THSD7A: variants seen among roughly 807,000 people sequenced by gnomAD.
THSD7A encodes the protein thrombospondin type 1 domain containing 7A.
Under a neutral mutation model 231.3 loss-of-function variants are expected in THSD7A, and 96 were observed. That is an observed-to-expected ratio of 0.41 (90% CI 0.35 to 0.49). The LOEUF (loss-of-function observed/expected upper bound fraction) is 0.49. Among genes scored for constraint, THSD7A ranks in the 20% least tolerant of loss-of-function variants. THSD7A has a pLI of 0.05. For missense variants in THSD7A, 2,290 were observed against 2,070.2 expected (o/e 1.11, Z -2.06); for synonymous variants, 940 against 743.3 (o/e 1.26, Z -4.30).
At chr7:11,764,158 T>C (rs1310943538) in intron 1 of THSD7A, among the ~76,000 whole-genome samples, 1 of 152,194 alleles carries the variant, frequency 6.6e-6, no homozygotes, top group African/African-American at 2.4e-5. Context: ...TTAAATTAAA[T>C]GACTCACACT....
chr7:11,655,182 A>G lies in THSD7A; in HGVS notation c.191-18221T>C, dbSNP rs751801307. On this transcript the variant is annotated intron_variant, in intron 1 of 27. Coordinates refer to ENST00000423059, the MANE Select transcript of THSD7A (RefSeq NM_015204.3). ...TTGTATTTCTTAAACTGTTTTTGTA[A>G]ATTATCAAAGTGCTTCTGGGTTCCA... Among the ~76,000 whole-genome samples, 21 of 151,868 alleles carry G rather than the reference A, an allele frequency of 1.4e-4. 1 individual carries two copies.
At chr7:11,492,928 G>A (rs933441344) in intron 6 of THSD7A, among the ~76,000 whole-genome samples, 3 of 152,024 alleles carry the variant, frequency 2.0e-5, no homozygotes, top group African/African-American at 7.2e-5. Flanking sequence ...GGAGATCACA[G>A]GAAAAGAATC....
intron 1 of THSD7A, among the ~76,000 whole-genome samples, chr7:11,797,481 A>G (rs764686306): frequency 2.1e-5 from 3 of 145,508 alleles, no homozygotes; most frequent in Non-Finnish European, 4.5e-5. Context: ...CAGTGGCACA[A>G]TCTTGGCTCA....
chr7:11,633,299 G>T (rs1292193286), intron 2 of THSD7A, among the ~76,000 whole-genome samples: 3 of 152,170 alleles, frequency 2.0e-5, no homozygotes, highest in Non-Finnish European at 4.4e-5. Context: ...GAAGCTTCCT[G>T]TGTCCTAGTG....
intron 1 of THSD7A, among the ~76,000 whole-genome samples, chr7:11,642,501 G>A (rs1165734168): frequency 2.0e-5 from 3 of 152,112 alleles, no homozygotes; most frequent in African/African-American, 4.8e-5. Flanking sequence ...CTACAATGTG[G>A]GTCAATAAAC....
Position 11,590,479 on chromosome 7 carries a change from A to G in THSD7A, c.1434T>C (p.Ser478=). 6.2e-7 allele frequency: 1 copy of G among 1,612,362 alleles called. No homozygotes were observed. ...QANENLLSQL[S]THKNKEASKP... ...GGTTACCTTCTTTGTTCTTGTGGGT[A>G]CTTAATTGTGAGAGGAGGTTTTCGT... The change falls in exon 4 of 28, where the codon AGT becomes AGC. Residue 478 remains serine (S), a synonymous_variant. Transcript: ENST00000423059. This position sits in a 1 kb window ranked among gnomAD's most constrained non-coding sequence, Gnocchi z 4.4.
chr7:11,787,344 T>C (rs10231250), intron 1 of THSD7A, among the ~76,000 whole-genome samples: 1,946 of 152,168 alleles, frequency 0.013, 34 homozygotes, highest in African/African-American at 0.045. Context: ...TAAATGACTT[T>C]GGATATAGAA....
At chr7:11,487,235 G>A (rs546512431) in intron 6 of THSD7A, among the ~76,000 whole-genome samples, 2 of 151,902 alleles carry the variant, frequency 1.3e-5, no homozygotes, top group African/African-American at 2.4e-5. Context: ...TTATTATCAG[G>A]ATAAGAGACT....
chr7:11,419,018 GT>G (rs1784052701), intron 16 of THSD7A, among the ~76,000 whole-genome samples: 1 of 152,098 alleles, frequency 6.6e-6, no homozygotes, highest in South Asian at 2.1e-4. Flanking sequence ...TTAGAGACAT[GT>G]TGCAGACAGG....
At chr7:11,496,676 C>CACTA (rs961928642) in intron 6 of THSD7A, among the ~76,000 whole-genome samples, 11 of 152,130 alleles carry the variant, frequency 7.2e-5, no homozygotes, top group Non-Finnish European at 1.3e-4. Context: ...AAGCTGCTTA[C>CACTA]ACTAATTTTT....
intron 11 of THSD7A, among the ~76,000 whole-genome samples, chr7:11,450,158 T>G (rs931728537): frequency 1.3e-5 from 2 of 152,046 alleles, no homozygotes; most frequent in Admixed American, 1.3e-4. Flanking sequence ...ACCATTATCC[T>G]GTTATGTGAC....
At chr7:11,789,288 G>C (rs1783879826) in intron 1 of THSD7A, among the ~76,000 whole-genome samples, 1 of 151,972 alleles carries the variant, frequency 6.6e-6, no homozygotes, top group South Asian at 2.1e-4. Context: ...GGCCGTTGCT[G>C]GTAACTGTTA....
At chr7:11,459,534 A>C (rs534148940) in intron 11 of THSD7A, among the ~76,000 whole-genome samples, 2 of 152,172 alleles carry the variant, frequency 1.3e-5, no homozygotes, top group South Asian at 4.1e-4. Flanking sequence ...ATGGTGGGAG[A>C]TACATAATGA....
intron 11 of THSD7A, among the ~76,000 whole-genome samples, chr7:11,453,574 G>T (rs1296977349): frequency 1.3e-5 from 2 of 151,912 alleles, no homozygotes; most frequent in Non-Finnish European, 2.9e-5. Flanking sequence ...AAAACAGAGG[G>T]GCTATTAGAT....
intron 1 of THSD7A, among the ~76,000 whole-genome samples, chr7:11,687,913 T>C (rs1418514512): frequency 1.3e-5 from 2 of 151,726 alleles, no homozygotes; most frequent in African/African-American, 4.8e-5. Flanking sequence ...ATTTTATTTA[T>C]TTATTTATTT....
At chr7:11,516,547 T>C (rs1236763274) in intron 6 of THSD7A, among the ~76,000 whole-genome samples, 1 of 152,218 alleles carries the variant, frequency 6.6e-6, no homozygotes, top group African/African-American at 2.4e-5. Flanking sequence ...AGAGATGACC[T>C]TGTTTGTACA....
At chr7:11,616,517 C>T (rs1435191384) in intron 2 of THSD7A, among the ~76,000 whole-genome samples, 1 of 152,090 alleles carries the variant, frequency 6.6e-6, no homozygotes, top group African/African-American at 2.4e-5. Context: ...TTGCTTTACA[C>T]AGTCCAAGAA....
chr7:11,556,604 T>C lies in THSD7A; in HGVS notation c.1454-13487A>G, dbSNP rs117540431. Among the ~76,000 whole-genome samples, 261 of 152,078 alleles carry C rather than the reference T, an allele frequency of 1.7e-3. 1 individual carries two copies. Among genetic ancestry groups the C allele is most frequent in the Non-Finnish European group, 1.9e-3 (129 of 67,886 alleles). On this transcript the variant is annotated intron_variant, in intron 4 of 27. Transcript: ENST00000423059. ...GATATTCCAAGGTTTCTTCCTTTAATCTTTCGTTTTTATTTAGTGAACTTT... is the reference window on the plus strand; with the variant it reads ...GATATTCCAAGGTTTCTTCCTTTAACCTTTCGTTTTTATTTAGTGAACTTT...
intron 1 of THSD7A, among the ~76,000 whole-genome samples, chr7:11,795,459 A>G (rs1273088960): frequency 6.6e-6 from 1 of 151,986 alleles, no homozygotes; most frequent in Non-Finnish European, 1.5e-5. Flanking sequence ...ATGTTTTACA[A>G]ATAACAGATG....
Sources: gnomAD v4.1 joint callset for allele counts (sites outside exome capture counted in the v4.1 genomes callset) on GRCh38, gnomAD v4.1.1 for gene constraint, Gnocchi (gnomAD v3.1) non-coding constraint, MANE v1.5 for transcripts, NCBI Gene and HGNC (gene_info 2026-07-23, HGNC 2026-07-21) for gene names.